The following FOXP2 variants were observed in gnomAD, a reference collection of about 807,000 sequenced individuals.
FOXP2 encodes forkhead box P2, also known as forkhead box protein P2.
Under a neutral mutation model 115.8 loss-of-function variants are expected in FOXP2, and 12 were observed. The ratio of observed to expected loss-of-function variants is 0.10; its 90% confidence interval spans 0.07 to 0.17. FOXP2 has a LOEUF of 0.17. FOXP2 is among the 10% of genes least tolerant of loss of function. The pLI, the probability that FOXP2 is intolerant of heterozygous loss-of-function variation, is 1.00. For synonymous variants in FOXP2, 328 were observed against 297.7 expected, an observed-to-expected ratio of 1.10 and a Z score of -1.05; for missense variants, 629 against 843.5, an observed-to-expected ratio of 0.75 and a Z score of 3.15.
chr7:114,149,804 C>A (rs114781067), intron 1 of FOXP2, among the ~76,000 whole-genome samples: 1 of 151,896 alleles, frequency 6.6e-6, no homozygotes, highest in South Asian at 2.1e-4. Flanking sequence ...AATTTTAGTA[C>A]GCTCATGTTG....
intron 3 of FOXP2, among the ~76,000 whole-genome samples, chr7:114,548,018 C>G (rs1022303863): frequency 2.0e-5 from 3 of 152,178 alleles, no homozygotes; most frequent in African/African-American, 7.2e-5. Flanking sequence ...TAGTCCAGAG[C>G]TGACTGGTAC....
chr7:114,159,972 G>A (rs1218433751), upstream of FOXP2, among the ~76,000 whole-genome samples: 2 of 152,210 alleles, frequency 1.3e-5, no homozygotes, highest in Admixed American at 6.5e-5. Flanking sequence ...AATAGACTGA[G>A]TGGAGAACTC....
intron 2 of FOXP2, among the ~76,000 whole-genome samples, chr7:114,520,508 C>T (rs1731483446): frequency 6.6e-6 from 1 of 151,754 alleles, no homozygotes; most frequent in South Asian, 2.1e-4. Flanking sequence ...TAGTATCTAA[C>T]AAAAAGTTAC....
intron 2 of FOXP2, among the ~76,000 whole-genome samples, chr7:114,354,169 G>A (rs1464631558): frequency 2.0e-5 from 3 of 152,126 alleles, no homozygotes; most frequent in South Asian, 4.2e-4. Flanking sequence ...CTCCTTCCCC[G>A]GGATATTGAT....
chr7:114,576,132 A>T (rs542145537), intron 3 of FOXP2, among the ~76,000 whole-genome samples: 1 of 152,038 alleles, frequency 6.6e-6, no homozygotes, highest in Admixed American at 6.6e-5. Flanking sequence ...TTCCATAAAG[A>T]TATAATATAG....
chr7:114,617,534 G>A (rs753507261), intron 3 of FOXP2, among the ~76,000 whole-genome samples: 1 of 152,138 alleles, frequency 6.6e-6, no homozygotes, highest in Admixed American at 6.5e-5. Context: ...CGGCTCACGC[G>A]TGTAATCCCA....
chr7:114,374,574 T>C (rs561827432), intron 2 of FOXP2, among the ~76,000 whole-genome samples: 52 of 152,310 alleles, frequency 3.4e-4, no homozygotes, highest in African/African-American at 1.2e-3. Context: ...AAGGCATACA[T>C]GGAGCTTGTA....
Position 114,659,364 on chromosome 7 carries a change from C to A in FOXP2, c.1477C>A (p.Pro493Thr), listed in dbSNP as rs753732678. ...YNIPMSSEIA[P>T]NYEFYKNADV... is the part of the protein sequence containing the mutation. ...AGTTTTTATTTTTATAGAAATTGCC[C>A]CAAACTATGAATTTTATAAAAATGC... The change falls in exon 12 of 17, where the codon CCA (proline) becomes ACA (threonine). Residue 493 changes from proline (P) to threonine (T), a missense_variant. Around this residue, in one of 9 missense-constraint regions of FOXP2, gnomAD observed 101 missense variants for 116.0 expected, o/e 0.87. Coordinates refer to ENST00000350908, the MANE Select transcript of FOXP2 (RefSeq NM_014491.4). 1.2e-6 allele frequency: 2 copies of A among 1,609,980 alleles called. No individual in the cohort carries two copies. The highest frequency in any genetic ancestry group is 1.7e-5 in the Admixed American group (1 of 59,940).
At position 114,271,992 on chromosome 7, in the gene FOXP2, A is replaced by G. The variant is rs968715135; in HGVS notation, c.-101-16027A>G. On this transcript the variant is annotated intron_variant, in intron 1 of 17. Transcript: ENST00000634411. ...TATATAATATAATTATATATAATATATAATATGTAATATTATAATTATAAT... is the reference window on the plus strand; with the variant it reads ...TATATAATATAATTATATATAATATGTAATATGTAATATTATAATTATAAT... Among the ~76,000 whole-genome samples, 6 of 135,254 alleles carry G rather than the reference A, an allele frequency of 4.4e-5. 1 individual carries two copies. The East Asian group carries it at 8.4e-4, about 19-fold the overall frequency. 88.7% of individuals were successfully genotyped at this position (135,254 alleles called of 152,430 possible). A position where few individuals can be genotyped will look rare whatever the true frequency, so the allele number is the denominator to read the frequency against.
intron 1 of FOXP2, among the ~76,000 whole-genome samples, chr7:114,195,451 C>G (rs1793878984): frequency 6.6e-6 from 1 of 152,042 alleles, no homozygotes; most frequent in Non-Finnish European, 1.5e-5. Context: ...CTTATGACAG[C>G]TTTATATATG....
intron 2 of FOXP2, among the ~76,000 whole-genome samples, chr7:114,372,128 T>C (rs575130768): frequency 3.0e-4 from 46 of 152,306 alleles, no homozygotes; most frequent in African/African-American, 1.0e-3. Context: ...AGCTTGGCCA[T>C]GGTATTATAG....
intron 1 of FOXP2, among the ~76,000 whole-genome samples, chr7:114,173,651 A>T (rs914101587): frequency 6.6e-6 from 1 of 151,408 alleles, no homozygotes; most frequent in Non-Finnish European, 1.5e-5. Flanking sequence ...TAAGATATCT[A>T]TGATTTTGAT....
At chr7:114,138,431 G>C (rs919264960) in intron 1 of FOXP2, among the ~76,000 whole-genome samples, 1 of 141,376 alleles carries the variant, frequency 7.1e-6, no homozygotes, top group Non-Finnish European at 1.5e-5. Context: ...TCACACTGTC[G>C]CCTGGGCTGG....
At chr7:114,261,290 A>G (rs940065349) in intron 1 of FOXP2, among the ~76,000 whole-genome samples, 1 of 152,226 alleles carries the variant, frequency 6.6e-6, no homozygotes, top group Non-Finnish European at 1.5e-5. Context: ...AAGTTGTAGC[A>G]AAGTCGCTAT....
intron 3 of FOXP2, among the ~76,000 whole-genome samples, chr7:114,619,331 G>A (rs139061542): frequency 1.3e-5 from 2 of 152,054 alleles, no homozygotes; most frequent in African/African-American, 4.8e-5. Flanking sequence ...TTTTCAATCC[G>A]TAAGTCCAGT....
intron 1 of FOXP2, among the ~76,000 whole-genome samples, chr7:114,090,786 T>A (rs1799526408): frequency 6.6e-6 from 1 of 151,824 alleles, no homozygotes; most frequent in African/African-American, 2.4e-5. Context: ...TAGTCTTTAT[T>A]AAGTACAATT....
At chr7:114,651,548 G>T (rs189233320) in intron 8 of FOXP2, among the ~76,000 whole-genome samples, 27 of 152,166 alleles carry the variant, frequency 1.8e-4, no homozygotes, top group Non-Finnish European at 3.7e-4. Context: ...GTTAGAGTGA[G>T]ATCATTTGGA....
chr7:114,460,946 T>C (rs569173760), intron 2 of FOXP2, among the ~76,000 whole-genome samples: 1 of 152,318 alleles, frequency 6.6e-6, no homozygotes, highest in South Asian at 2.1e-4. Context: ...TTACCATCCC[T>C]CCTTCCTTGA....
chr7:114,678,355 G>T (rs1807887063), intron 16 of FOXP2, among the ~76,000 whole-genome samples: 1 of 152,046 alleles, frequency 6.6e-6, no homozygotes, highest in Non-Finnish European at 1.5e-5. Flanking sequence ...CCTGTAAAAT[G>T]AGATTGCCCA....
Sources: allele counts gnomAD v4.1 joint callset (sites outside exome capture counted in the v4.1 genomes callset), GRCh38; gene constraint gnomAD v4.1.1; regional missense constraint gnomAD v4.1.1; transcripts MANE v1.5; gene names NCBI Gene and HGNC (gene_info 2026-07-23, HGNC 2026-07-21).